The following CHST8 variants were observed in gnomAD, a reference collection of about 807,000 sequenced individuals.
The protein encoded by CHST8 is carbohydrate sulfotransferase 8, also known as GALNAC-4-ST1.
A neutral mutation model predicts 15.0 loss-of-function variants in CHST8; 10 were observed. The observed-to-expected ratio is 0.67, with a 90% CI of 0.41 to 1.13. CHST8 has a LOEUF of 1.13. CHST8 is among the 50% of genes most tolerant of loss of function. The pLI is 0.00. For synonymous variants in CHST8, 259 were observed against 256.6 expected, an observed-to-expected ratio of 1.01 and a Z score of -0.09; for missense variants, 634 against 608.2, an observed-to-expected ratio of 1.04 and a Z score of -0.45.
At chr19:33,654,154 C>T (rs1477141853) in intron 1 of CHST8, among the ~76,000 whole-genome samples, 1 of 152,132 alleles carries the variant, frequency 6.6e-6, no homozygotes, top group African/African-American at 2.4e-5. Context: ...TAATTTTAAT[C>T]ACTATATTTT....
chr19:33,650,345 C>T (rs1972419864), intron 1 of CHST8, among the ~76,000 whole-genome samples: 1 of 152,052 alleles, frequency 6.6e-6, no homozygotes, highest in African/African-American at 2.4e-5. Context: ...ACTATCTATT[C>T]AGATCCTTTG....
intron 3 of CHST8, among the ~76,000 whole-genome samples, chr19:33,751,341 G>A (rs1044376346): frequency 3.9e-5 from 6 of 152,182 alleles, no homozygotes; most frequent in Admixed American, 2.6e-4. Flanking sequence ...TGAAATTGAA[G>A]GATCCTCAGA....
At chr19:33,666,796 G>A (rs1325430294) in intron 1 of CHST8, among the ~76,000 whole-genome samples, 3 of 152,052 alleles carry the variant, frequency 2.0e-5, no homozygotes, top group Non-Finnish European at 4.4e-5. Flanking sequence ...TCCGCCTCCC[G>A]GGTTCAAGCA....
At chr19:33,627,364 G>A (rs1180945337) in intron 1 of CHST8, among the ~76,000 whole-genome samples, 3 of 150,974 alleles carry the variant, frequency 2.0e-5, no homozygotes, top group African/African-American at 4.9e-5. Flanking sequence ...TGCCCATCTC[G>A]GGCTCCCAAA....
intron 3 of CHST8, among the ~76,000 whole-genome samples, chr19:33,769,847 T>C (rs1202829250): frequency 1.3e-5 from 2 of 152,046 alleles, no homozygotes; most frequent in African/African-American, 4.8e-5. Context: ...CCCAGGAAGA[T>C]GGGGACACTC....
chr19:33,741,922 G>T (rs1231043658), intron 3 of CHST8, among the ~76,000 whole-genome samples: 1 of 152,090 alleles, frequency 6.6e-6, no homozygotes, highest in African/African-American at 2.4e-5. Context: ...GGGGAGAAAT[G>T]CTCGCCAGAT....
intron 2 of CHST8, among the ~76,000 whole-genome samples, chr19:33,684,264 G>T (rs1394766855): frequency 6.6e-6 from 1 of 152,184 alleles, no homozygotes; most frequent in African/African-American, 2.4e-5. Context: ...CATGGGGCTG[G>T]GGGGGAGTGG....
chr19:33,660,383 C>T (rs1403564766), intron 1 of CHST8, among the ~76,000 whole-genome samples: 1 of 152,146 alleles, frequency 6.6e-6, no homozygotes, highest in Non-Finnish European at 1.5e-5. Flanking sequence ...TTCCAGCCCC[C>T]TTGATGCCGT....
intron 1 of CHST8, among the ~76,000 whole-genome samples, chr19:33,647,063 C>T (rs556274689): frequency 7.7e-4 from 117 of 152,322 alleles, no homozygotes; most frequent in African/African-American, 2.4e-3. Context: ...CTCTCGCAGT[C>T]GTATTACAAA....
intron 3 of CHST8, among the ~76,000 whole-genome samples, chr19:33,734,579 GCCAGCCC>G (rs1004231658): frequency 1.1e-4 from 16 of 152,272 alleles, no homozygotes; most frequent in African/African-American, 1.4e-4. Flanking sequence ...AGCTCACTGG[GCCAGCCC>G]CCAGCCCCCA....
intron 1 of CHST8, among the ~76,000 whole-genome samples, chr19:33,654,366 T>G (rs1160988790): frequency 6.6e-6 from 1 of 152,124 alleles, no homozygotes; most frequent in Non-Finnish European, 1.5e-5. Flanking sequence ...ATCAGCTTGT[T>G]TTTCCTCATG....
intron 3 of CHST8, among the ~76,000 whole-genome samples, chr19:33,767,807 A>G (rs574598695): frequency 5.3e-4 from 80 of 152,244 alleles, no homozygotes; most frequent in African/African-American, 9.6e-4. Context: ...GGTGCGTGGC[A>G]GCATTGGTGG....
chr19:33,742,435 G>C (rs1037024372), intron 3 of CHST8, among the ~76,000 whole-genome samples: 1 of 152,154 alleles, frequency 6.6e-6, no homozygotes, highest in African/African-American at 2.4e-5. Context: ...CACATAGCGA[G>C]AGAGGGAACA....
Position 33,772,715 on chromosome 19 carries a change from C to G in CHST8, c.927C>G (p.Pro309=). Residue 309 remains proline (P), a synonymous_variant, in exon 5 of 5, where the codon CCC becomes CCG. Coordinates refer to ENST00000650847, the MANE Select transcript of CHST8 (RefSeq NM_001127895.2). ...ALRTGSGVRF[P]EFVQYLLDVH... is the part of the protein sequence containing the mutation. ...GGACCGGCTCTGGGGTGCGTTTTCC[C>G]GAGTTCGTCCAGTACCTGCTGGACG... 2 of 1,613,404 alleles carry G rather than the reference C, an allele frequency of 1.2e-6. No individual in the cohort carries two copies. Among genetic ancestry groups the G allele is most frequent in the Non-Finnish European group, 1.7e-6 (2 of 1,179,968 alleles).
intron 1 of CHST8, among the ~76,000 whole-genome samples, chr19:33,655,085 A>G (rs538207218): frequency 1.3e-5 from 2 of 152,286 alleles, no homozygotes; most frequent in African/African-American, 2.4e-5. Context: ...TGCCCAGGCT[A>G]GAATGCAGTG....
chr19:33,676,013 C>T (rs1029984457), intron 2 of CHST8, among the ~76,000 whole-genome samples: 11 of 152,100 alleles, frequency 7.2e-5, no homozygotes, highest in African/African-American at 2.4e-4. Flanking sequence ...CTGGATTTGG[C>T]CTGAGGTCCA....
At chr19:33,720,320 A>C (rs1973761699) in intron 3 of CHST8, among the ~76,000 whole-genome samples, 1 of 151,364 alleles carries the variant, frequency 6.6e-6, no homozygotes, top group African/African-American at 2.4e-5. Context: ...ACATATACAC[A>C]CTGCACACAC....
intron 3 of CHST8, among the ~76,000 whole-genome samples, chr19:33,767,239 C>A (rs1974868245): frequency 6.6e-6 from 1 of 152,238 alleles, no homozygotes; most frequent in Admixed American, 6.5e-5. Flanking sequence ...CAGGGCCTGA[C>A]CAAAAGGCTG....
chr19:33,747,276 A>G (rs1974331989), intron 3 of CHST8, among the ~76,000 whole-genome samples: 1 of 152,188 alleles, frequency 6.6e-6, no homozygotes, highest in Admixed American at 6.5e-5. Context: ...TGCTGCAGTT[A>G]GTGGGGACAG....
Sources: allele counts gnomAD v4.1 joint callset (sites outside exome capture counted in the v4.1 genomes callset), GRCh38; gene constraint gnomAD v4.1.1; transcripts MANE v1.5; gene names NCBI Gene and HGNC (gene_info 2026-07-23, HGNC 2026-07-21).